Variants in SYN3 observed in about 807,000 individuals in gnomAD.
SYN3 encodes the protein synapsin III.
SYN3 carries 35 observed loss-of-function variants against 65.8 expected under a neutral mutation model. The observed-to-expected ratio is 0.53, with a 90% CI of 0.41 to 0.70. The LOEUF (loss-of-function observed/expected upper bound fraction) is 0.70, where lower values mean the gene tolerates loss of function less well. Ranked by LOEUF, SYN3 falls within the 30% of genes least tolerant of loss-of-function variation. The probability of loss-of-function intolerance (pLI) is 0.00; values close to 1 mark genes in which losing one functional copy is unlikely to be tolerated. For missense variants in SYN3, 680 were observed against 749.0 expected, an observed-to-expected ratio of 0.91 and a Z score of 1.08; for synonymous variants, 270 against 292.9, an observed-to-expected ratio of 0.92 and a Z score of 0.80.
At chr22:32,710,735 G>C (rs1367017340) in intron 6 of SYN3, among the ~76,000 whole-genome samples, 1 of 151,030 alleles carries the variant, frequency 6.6e-6, no homozygotes, top group African/African-American at 2.4e-5. Context: ...CTTCCACTTT[G>C]CCTTCTGCCA....
At chr22:32,737,416 T>C (rs1053994604) in intron 6 of SYN3, among the ~76,000 whole-genome samples, 1 of 152,152 alleles carries the variant, frequency 6.6e-6, no homozygotes, top group African/African-American at 2.4e-5. Flanking sequence ...GCTGCACCCA[T>C]TAACTCGTCA....
chr22:32,784,829 A>C (rs1404580257), intron 6 of SYN3: 2 of 152,172 alleles, frequency 1.3e-5, no homozygotes, highest in Non-Finnish European at 2.9e-5. Context: ...GTGGCCATAA[A>C]ATAATGTTGC....
At chr22:32,972,504 A>C (rs1015734601) in intron 3 of SYN3, among the ~76,000 whole-genome samples, 3 of 152,200 alleles carry the variant, frequency 2.0e-5, no homozygotes, top group African/African-American at 4.8e-5. Context: ...ATGGGAGCTG[A>C]AAGCCTAAAA....
At chr22:32,859,109 A>C (rs963657571) in intron 6 of SYN3, 1 of 1,547,856 alleles carries the variant, frequency 6.5e-7, no homozygotes, top group East Asian at 2.2e-5. Context: ...GTCTGAATCC[A>C]GGCTCGGTAG....
At chr22:32,673,819 G>A (rs1601888167) in intron 6 of SYN3, among the ~76,000 whole-genome samples, 1 of 152,202 alleles carries the variant, frequency 6.6e-6, no homozygotes, top group African/African-American at 2.4e-5. Context: ...CCCCAAATGA[G>A]GTGATGCCAG....
intron 6 of SYN3, among the ~76,000 whole-genome samples, chr22:32,610,751 T>C (rs2059431605): frequency 6.6e-6 from 1 of 152,120 alleles, no homozygotes; most frequent in Non-Finnish European, 1.5e-5. Context: ...CCTGGCTAAT[T>C]TTGTATTTTT....
chr22:32,970,573 A>G (rs537019555), intron 3 of SYN3, among the ~76,000 whole-genome samples: 1 of 152,190 alleles, frequency 6.6e-6, no homozygotes, highest in South Asian at 2.1e-4. Context: ...AAAAAAAGGT[A>G]AAGACGGAGA....
At chr22:32,820,657 C>T (rs138664358) in intron 6 of SYN3, among the ~76,000 whole-genome samples, 8 of 152,260 alleles carry the variant, frequency 5.3e-5, no homozygotes, top group African/African-American at 1.9e-4. Flanking sequence ...GAAAACAAGT[C>T]GTGGCATCAC....
At position 33,006,688 on chromosome 22, in the gene SYN3, G is replaced by GCT. The variant is rs762132239; in HGVS notation, c.-28_-27dup. The GCT allele has an allele frequency of 3.7e-5, 57 of 1,552,498 alleles. No individual in the cohort carries two copies. The highest frequency in any genetic ancestry group is 4.6e-5 in the Non-Finnish European group (53 of 1,148,610). On this transcript the variant is annotated 5_prime_UTR_variant, in exon 2 of 14. Transcript: ENST00000358763. ...GGCTGTGGATGGATGGAGATGACTG[G>GCT]CTCCTACCCAGACGTGTGTAGGTGA...
At chr22:32,841,490 A>G (rs924743947) in intron 6 of SYN3, among the ~76,000 whole-genome samples, 5 of 152,132 alleles carry the variant, frequency 3.3e-5, no homozygotes, top group African/African-American at 7.2e-5. Context: ...GTGAGCTACA[A>G]TTTCCTGAGA....
chr22:32,772,702 T>A (rs5998630), intron 6 of SYN3, among the ~76,000 whole-genome samples: 107,184 of 151,794 alleles, frequency 0.71, 38,398 homozygotes, highest in African/African-American at 0.83. Context: ...AAAAAATGAT[T>A]AGTGTAGGAG....
chr22:32,569,349 A>T (rs1489722871), intron 7 of SYN3, among the ~76,000 whole-genome samples: 2 of 151,232 alleles, frequency 1.3e-5, no homozygotes, highest in South Asian at 4.2e-4. Context: ...CATCCAAAAT[A>T]TATCTATCTA....
At chr22:32,912,195 T>C (rs2050069256) in intron 4 of SYN3, among the ~76,000 whole-genome samples, 1 of 152,168 alleles carries the variant, frequency 6.6e-6, no homozygotes, top group African/African-American at 2.4e-5. Context: ...CCGCAGAGCT[T>C]TGGGCACGAT....
At chr22:32,613,010 G>A (rs2059466954) in intron 6 of SYN3, among the ~76,000 whole-genome samples, 1 of 152,028 alleles carries the variant, frequency 6.6e-6, no homozygotes, top group African/African-American at 2.4e-5. Context: ...GAGTTCTCAC[G>A]AGAACTGATG....
chr22:32,659,260 A>G lies in SYN3; in HGVS notation c.712-62524T>C, dbSNP rs2060184346. 2.0e-5 allele frequency among the ~76,000 whole-genome samples: 3 copies of G among 152,300 alleles called. No homozygotes were observed. The South Asian group carries it at 6.2e-4, about 32-fold the overall frequency. On this transcript the variant is annotated intron_variant, in intron 6 of 13. Transcript: ENST00000358763. ...AGGGAGCCATTGATGGTCTAAGCAG[A>G]AGAGTGTTAGAAAGGTCCATGTGGC... is the stretch of plus-strand genomic sequence containing the variant.
chr22:32,967,129 C>A (rs1337160803), intron 3 of SYN3, among the ~76,000 whole-genome samples: 1 of 152,076 alleles, frequency 6.6e-6, no homozygotes, highest in Admixed American at 6.6e-5. Context: ...GTGTGCCTGA[C>A]ACTTAGTAAG....
chr22:32,781,149 A>G (rs1167776960), intron 6 of SYN3, among the ~76,000 whole-genome samples: 1 of 147,676 alleles, frequency 6.8e-6, no homozygotes, highest in Non-Finnish European at 1.5e-5. Flanking sequence ...TTTAAATTGT[A>G]TAAAGCCCTG....
At chr22:32,633,156 C>T (rs1263520839) in intron 6 of SYN3, among the ~76,000 whole-genome samples, 1 of 152,214 alleles carries the variant, frequency 6.6e-6, no homozygotes, top group East Asian at 1.9e-4. Flanking sequence ...ACGTCATGTA[C>T]GGCACTTAGC....
chr22:32,611,196 G>T (rs2059437311), intron 6 of SYN3, among the ~76,000 whole-genome samples: 1 of 151,474 alleles, frequency 6.6e-6, no homozygotes, highest in Admixed American at 6.6e-5. Flanking sequence ...GCAGGGTCTT[G>T]CATCCTGTGT....
Sources: gnomAD v4.1 joint callset for allele counts (sites outside exome capture counted in the v4.1 genomes callset) on GRCh38, gnomAD v4.1.1 for gene constraint, MANE v1.5 for transcripts, NCBI Gene and HGNC (gene_info 2026-07-23, HGNC 2026-07-21) for gene names.